FAM227B: variants seen among roughly 807,000 people sequenced by gnomAD.
The protein encoded by FAM227B is family with sequence similarity 227 member B.
In FAM227B, 88 loss-of-function variants were observed where a neutral mutation model predicts 73.8. That is an observed-to-expected ratio of 1.19 (90% CI 1.00 to 1.42). The LOEUF (loss-of-function observed/expected upper bound fraction) is 1.42. Among genes scored for constraint, FAM227B ranks in the 40% most tolerant of loss-of-function variants. The pLI, the probability that FAM227B is intolerant of heterozygous loss-of-function variation, is 0.00. For synonymous variants in FAM227B, 210 were observed against 190.5 expected, an observed-to-expected ratio of 1.10 and a Z score of -0.84; for missense variants, 632 against 590.9, an observed-to-expected ratio of 1.07 and a Z score of -0.72.
rs369460258 is a variant in FAM227B at position 49,593,253 on chromosome 15, C to T, written c.106-3246G>A. Among the ~76,000 whole-genome samples, 9 of 152,272 alleles carry T rather than the reference C, an allele frequency of 5.9e-5. No homozygotes were observed. The East Asian group carries it at 1.7e-3, about 29-fold the overall frequency. ...ACCTCAGTCGGAAATGCAGAAATCACCCGTCTTCTGCACCAATCACACAGG... is the reference window on the plus strand; with the variant it reads ...ACCTCAGTCGGAAATGCAGAAATCATCCGTCTTCTGCACCAATCACACAGG... On this transcript the variant is annotated intron_variant, in intron 3 of 15. Transcript: ENST00000299338.
intron 11 of FAM227B, among the ~76,000 whole-genome samples, chr15:49,504,115 T>C (rs557120104): frequency 6.6e-6 from 1 of 152,304 alleles, no homozygotes; most frequent in South Asian, 2.1e-4. Flanking sequence ...GATCAGTTCA[T>C]GTCCTTTGTA....
At chr15:49,424,627 A>C in intron 11 of FAM227B, 1 of 1,412,678 alleles carries the variant, frequency 7.1e-7, no homozygotes. Context: ...GCAATCTGTT[A>C]ATGGATCAAT....
At position 49,410,995 on chromosome 15, in the gene FAM227B, T is replaced by C. The variant is rs568640544; in HGVS notation, c.1013-39596A>G. Among the ~76,000 whole-genome samples the C allele has an allele frequency of 1.2e-4, 17 of 138,056 alleles. 1 individual carries two copies. In the East Asian group the frequency reaches 3.2e-3, roughly 26 times the overall value. 90.6% of individuals were successfully genotyped at this position (138,056 alleles called of 152,430 possible). A position where few individuals can be genotyped will look rare whatever the true frequency, so the allele number is the denominator to read the frequency against. On this transcript the variant is annotated intron_variant, in intron 11 of 15. Transcript: ENST00000299338. Reference sequence around the variant, plus strand: ...GTGTGTGTGTGTATGTGTGTGTGTGTATCTGTGTGTGGGGGGGGTGGGCAG... The same window carrying C: ...GTGTGTGTGTGTATGTGTGTGTGTGCATCTGTGTGTGGGGGGGGTGGGCAG...
intron 2 of FAM227B, 122 bp downstream of exon 2, chr15:49,614,999 C>G: frequency 1.1e-6 from 1 of 870,986 alleles, no homozygotes; most frequent in Admixed American, 1.8e-5. Flanking sequence ...GCATTAAGAC[C>G]TAGACCAAAC....
intron 3 of FAM227B, among the ~76,000 whole-genome samples, chr15:49,594,846 GT>G (rs1199807362): frequency 1.3e-5 from 2 of 152,136 alleles, no homozygotes; most frequent in African/African-American, 4.8e-5. Flanking sequence ...GTAGTTTGAA[GT>G]TGGGTATTAT....
chr15:49,531,216 G>T (rs1266815660), intron 10 of FAM227B, among the ~76,000 whole-genome samples: 1 of 151,748 alleles, frequency 6.6e-6, no homozygotes, highest in East Asian at 1.9e-4. Flanking sequence ...ATACCTTGAT[G>T]TGTATGTTGA....
intron 11 of FAM227B, chr15:49,396,409 G>A (rs1054965563): frequency 3.9e-5 from 8 of 203,936 alleles, no homozygotes; most frequent in South Asian, 6.0e-5. Flanking sequence ...AGGCGGCAGC[G>A]AGGCTGGGGG....
intron 11 of FAM227B, among the ~76,000 whole-genome samples, chr15:49,383,237 CTTGT>C (rs920247152): frequency 4.9e-4 from 74 of 152,222 alleles, no homozygotes; most frequent in African/African-American, 1.8e-3. Context: ...ACAGGCATAT[CTTGT>C]TTAACTGCAC....
intron 9 of FAM227B, among the ~76,000 whole-genome samples, chr15:49,554,866 G>A (rs2073468925): frequency 2.0e-5 from 3 of 152,060 alleles, no homozygotes; most frequent in Non-Finnish European, 2.9e-5. Context: ...TTCTGCCATT[G>A]TGCTCTGCCT....
At chr15:49,368,130 A>G (rs2045497262) in intron 12 of FAM227B, among the ~76,000 whole-genome samples, 1 of 152,048 alleles carries the variant, frequency 6.6e-6, no homozygotes, top group African/African-American at 2.4e-5. Context: ...ACTTCTTATC[A>G]TAACAAAACA....
At chr15:49,546,750 G>GAAAT (rs2071959113) in intron 9 of FAM227B, among the ~76,000 whole-genome samples, 1 of 72,154 alleles carries the variant, frequency 1.4e-5, no homozygotes, top group Non-Finnish European at 3.3e-5. Context: ...AGAATAAAAA[G>GAAAT]AAATAAAGCC....
At chr15:49,365,334 T>A in intron 13 of FAM227B, 1 of 1,569,224 alleles carries the variant, frequency 6.4e-7, no homozygotes, top group Non-Finnish European at 8.8e-7. Flanking sequence ...ACAACAAATG[T>A]AAGTATCATG....
At chr15:49,450,664 CA>C (rs1181780460) in intron 11 of FAM227B, among the ~76,000 whole-genome samples, 3 of 152,124 alleles carry the variant, frequency 2.0e-5, no homozygotes, top group Non-Finnish European at 2.9e-5. Flanking sequence ...TTTCAGAGAA[CA>C]AAAACTTCCT....
intron 11 of FAM227B, among the ~76,000 whole-genome samples, chr15:49,386,622 A>T (rs1443918733): frequency 6.6e-6 from 1 of 151,748 alleles, no homozygotes; most frequent in Non-Finnish European, 1.5e-5. Flanking sequence ...ACTAAACCTG[A>T]AGCTAGAAGA....
At chr15:49,553,794 A>G (rs992338339) in intron 9 of FAM227B, among the ~76,000 whole-genome samples, 1 of 152,166 alleles carries the variant, frequency 6.6e-6, no homozygotes, top group African/African-American at 2.4e-5. Flanking sequence ...CCTTCAGGGA[A>G]GTGGGCTCCT....
chr15:49,557,804 TAG>T (rs1447847639), intron 9 of FAM227B, among the ~76,000 whole-genome samples: 1 of 152,212 alleles, frequency 6.6e-6, no homozygotes, highest in East Asian at 1.9e-4. Context: ...GAGAGCCACC[TAG>T]AGTCTTTGCA....
chr15:49,383,729 TA>T (rs1339872997), intron 11 of FAM227B, among the ~76,000 whole-genome samples: 1 of 152,036 alleles, frequency 6.6e-6, no homozygotes, highest in Non-Finnish European at 1.5e-5. Context: ...AAGTAAGTTA[TA>T]AAAAAGGAAT....
At chr15:49,530,760 A>G (rs964586965) in intron 10 of FAM227B, among the ~76,000 whole-genome samples, 2 of 151,826 alleles carry the variant, frequency 1.3e-5, no homozygotes, top group African/African-American at 2.4e-5. Context: ...GTTAGACAAA[A>G]AAGAATATTT....
intron 13 of FAM227B, among the ~76,000 whole-genome samples, chr15:49,351,442 T>A (rs1436738326): frequency 6.6e-6 from 1 of 152,194 alleles, no homozygotes; most frequent in Non-Finnish European, 1.5e-5. Flanking sequence ...CAATGTTGAT[T>A]TTTTTCTAAA....
Sources: allele counts gnomAD v4.1 joint callset (sites outside exome capture counted in the v4.1 genomes callset), GRCh38; gene constraint gnomAD v4.1.1; transcripts MANE v1.5; gene names NCBI Gene and HGNC (gene_info 2026-07-23, HGNC 2026-07-21).